Variants in DUSP29 observed in about 807,000 individuals in gnomAD.
DUSP29 encodes atypical dual-specific protein phosphatase.
A neutral mutation model predicts 13.5 loss-of-function variants in DUSP29; 12 were observed. The ratio of observed to expected loss-of-function variants is 0.89; its 90% confidence interval spans 0.57 to 1.44. DUSP29 has a LOEUF of 1.44. DUSP29 is among the 40% of genes most tolerant of loss of function. The pLI is 0.00. For synonymous variants in DUSP29, 134 were observed against 128.7 expected (o/e 1.04, Z -0.28); for missense variants, 308 against 301.1 (o/e 1.02, Z -0.17).
At chr10:75,050,902 C>T (rs533870931) in intron 2 of DUSP29, among the ~76,000 whole-genome samples, 1 of 152,244 alleles carries the variant, frequency 6.6e-6, no homozygotes, top group Non-Finnish European at 1.5e-5. Flanking sequence ...GTGGCCTTTT[C>T]TCATCAGGCT....
At chr10:75,042,523 A>G (rs993195759) in intron 3 of DUSP29, among the ~76,000 whole-genome samples, 1 of 152,274 alleles carries the variant, frequency 6.6e-6, no homozygotes, top group Non-Finnish European at 1.5e-5. Context: ...ATGGTTCATA[A>G]ATAGACTCAT....
At chr10:75,069,287 T>C (rs2134308522) in intron 1 of DUSP29, among the ~76,000 whole-genome samples, 1 of 152,278 alleles carries the variant, frequency 6.6e-6, no homozygotes, top group South Asian at 2.1e-4. Context: ...CGGGATGGAC[T>C]TTCTCGAGCG....
intron 1 of DUSP29, among the ~76,000 whole-genome samples, chr10:75,060,726 C>G (rs1448399839): frequency 3.9e-5 from 6 of 152,112 alleles, no homozygotes; most frequent in Admixed American, 3.9e-4. Flanking sequence ...AAACTGCCAG[C>G]CACGTATGAA....
rs1847205482 is a variant in DUSP29, at chr10:75,066,534, TTA to T, written c.-35+7033_-35+7034del. 2.0e-5 allele frequency among the ~76,000 whole-genome samples: 3 copies of T among 152,210 alleles called. No homozygotes were observed. In the South Asian group the frequency reaches 6.2e-4, roughly 32 times the overall value. Reference sequence around the variant, plus strand: ...ACATGCTCGTTTTAGGGTGACGAAATTATATGTGATTTTTGTTTTCTTTTTTT... The same window carrying T: ...ACATGCTCGTTTTAGGGTGACGAAATTATGTGATTTTTGTTTTCTTTTTTT... On this transcript the variant is annotated intron_variant, in intron 1 of 3. Transcript: ENST00000338487.
At chr10:75,062,336 C>T (rs566716728) in intron 1 of DUSP29, among the ~76,000 whole-genome samples, 5 of 152,282 alleles carry the variant, frequency 3.3e-5, no homozygotes, top group African/African-American at 9.6e-5. Flanking sequence ...AGGTGATTTT[C>T]GGGAGACGCT....
rs555879591 is a variant in DUSP29, at chr10:75,043,720, G to A, written c.421+77C>T. On this transcript the variant is annotated intron_variant, in intron 3 of 3. Coordinates refer to ENST00000338487, the MANE Select transcript of DUSP29 (RefSeq NM_001003892.3). ...AGCCTTAGTGGGGCGGGGAAGGGGC[G>A]GGGCCTAAGCTACGGGCGGGGCGAG... 11 of 1,331,426 alleles carry A rather than the reference G, an allele frequency of 8.3e-6. No individual in the cohort carries two copies. The African/African-American group carries it at 1.6e-4, about 20-fold the overall frequency. The allele number at this position is 1,331,426 out of a possible 1,614,324, so 82.5% of individuals were successfully genotyped here.
At chr10:75,058,079 C>T (rs920814883) in intron 2 of DUSP29, among the ~76,000 whole-genome samples, 2 of 152,078 alleles carry the variant, frequency 1.3e-5, no homozygotes, top group African/African-American at 2.4e-5. Flanking sequence ...CTGCAGTGGC[C>T]GTGCCAGCCC....
intron 1 of DUSP29, among the ~76,000 whole-genome samples, chr10:75,067,570 G>A (rs1169216666): frequency 6.6e-6 from 1 of 152,162 alleles, no homozygotes; most frequent in Non-Finnish European, 1.5e-5. Flanking sequence ...AGTTAGGCCT[G>A]GCCCTGACTC....
rs886440568 is a variant in DUSP29, at chr10:75,057,025, C to T, written c.200+1290G>A. Among the ~76,000 whole-genome samples, 13 of 152,228 alleles carry T rather than the reference C, an allele frequency of 8.5e-5. No individual in the cohort carries two copies. The East Asian group carries it at 1.9e-3, about 23-fold the overall frequency. ...GCACGGTGGCTCACACCTTTAATCC[C>T]GGCACTTTGGGAGGCTGATGTGGGC... On this transcript the variant is annotated intron_variant, in intron 2 of 3. Transcript: ENST00000338487.
At chr10:75,049,784 G>T (rs1480901311) in intron 2 of DUSP29, among the ~76,000 whole-genome samples, 3 of 152,132 alleles carry the variant, frequency 2.0e-5, no homozygotes, top group Admixed American at 2.0e-4. Flanking sequence ...CACTTCCCAG[G>T]CTCTCAACGC....
chr10:75,043,536 C>T (rs535651473), intron 3 of DUSP29, among the ~76,000 whole-genome samples: 1 of 152,350 alleles, frequency 6.6e-6, no homozygotes, highest in African/African-American at 2.4e-5. Flanking sequence ...GGTCCTTAAA[C>T]CTTCACAGCT....
chr10:75,053,072 C>T (rs893529057), intron 2 of DUSP29, among the ~76,000 whole-genome samples: 28 of 152,318 alleles, frequency 1.8e-4, no homozygotes, highest in African/African-American at 4.8e-4. Flanking sequence ...TGGCCGGGAG[C>T]GCAGCAGAGC....
chr10:75,073,514 A>G (rs1261429227), intron 1 of DUSP29, among the ~76,000 whole-genome samples, 55 bp downstream of exon 1: 1 of 152,218 alleles, frequency 6.6e-6, no homozygotes, highest in Admixed American at 6.5e-5. Context: ...CCAGGCCCCC[A>G]AAGAACACGT....
intron 2 of DUSP29, among the ~76,000 whole-genome samples, chr10:75,052,678 G>A (rs1322018347): frequency 1.3e-5 from 2 of 151,876 alleles, no homozygotes; most frequent in African/African-American, 4.8e-5. Flanking sequence ...TCTCGAACTT[G>A]TGACTTCAAG....
chr10:75,046,112 T>TA (rs1312335180), intron 2 of DUSP29, among the ~76,000 whole-genome samples: 25 of 146,324 alleles, frequency 1.7e-4, no homozygotes, highest in East Asian at 4.0e-4. Flanking sequence ...ACTCTGTCTT[T>TA]AAAAAAAAAA....
intron 1 of DUSP29, among the ~76,000 whole-genome samples, chr10:75,063,227 C>T (rs992804067): frequency 6.6e-6 from 1 of 152,156 alleles, no homozygotes; most frequent in Non-Finnish European, 1.5e-5. Flanking sequence ...TTTTATGATC[C>T]TCATAGATTG....
At chr10:75,060,860 C>T (rs1341616345) in intron 1 of DUSP29, among the ~76,000 whole-genome samples, 3 of 152,116 alleles carry the variant, frequency 2.0e-5, no homozygotes, top group South Asian at 2.1e-4. Flanking sequence ...AGGACAGTTA[C>T]GTTATACCAC....
At chr10:75,047,120 G>A (rs1040824811) in intron 2 of DUSP29, among the ~76,000 whole-genome samples, 2 of 152,202 alleles carry the variant, frequency 1.3e-5, no homozygotes, top group Non-Finnish European at 2.9e-5. Flanking sequence ...GGGCTCGTGA[G>A]GACCCTGAGA....
intron 2 of DUSP29, among the ~76,000 whole-genome samples, chr10:75,055,183 T>C (rs370502176): frequency 1.3e-5 from 2 of 152,096 alleles, no homozygotes; most frequent in African/African-American, 4.8e-5. Flanking sequence ...ATTTATTTAA[T>C]ATTTTGTTAT....
Sources: allele counts gnomAD v4.1 joint callset (sites outside exome capture counted in the v4.1 genomes callset), GRCh38; gene constraint gnomAD v4.1.1; transcripts MANE v1.5; gene names NCBI Gene and HGNC (gene_info 2026-07-23, HGNC 2026-07-21).